The following PLCB1 variants were observed in gnomAD, a reference collection of about 807,000 sequenced individuals.
PLCB1 encodes the protein 1-phosphatidylinositol 4,5-bisphosphate phosphodiesterase beta-1.
In PLCB1, 46 loss-of-function variants were observed where a neutral mutation model predicts 161.8. That is an observed-to-expected ratio of 0.28 (90% confidence interval 0.22 to 0.36). PLCB1 has a LOEUF of 0.36. Ranked by LOEUF, PLCB1 falls within the 10% of genes least tolerant of loss-of-function variation. The pLI is 1.00. For missense variants in PLCB1, 1,016 were observed against 1,472.5 expected (o/e 0.69, Z 5.07); for synonymous variants, 517 against 503.7 (o/e 1.03, Z -0.35).
intron 3 of PLCB1, among the ~76,000 whole-genome samples, chr20:8,563,463 G>A (rs1198945876): frequency 2.0e-5 from 3 of 152,030 alleles, no homozygotes; most frequent in Non-Finnish European, 2.9e-5. Flanking sequence ...AAGCCAGGAG[G>A]TGAAGGCTGG....
chr20:8,734,206 C>G, intron 19 of PLCB1, among the ~76,000 whole-genome samples: 1 of 132,894 alleles, frequency 7.5e-6, no homozygotes, highest in East Asian at 2.6e-4. Context: ...GAACTTTATT[C>G]TTAATGATAA....
At chr20:8,601,073 C>G (rs931570415) in intron 3 of PLCB1, among the ~76,000 whole-genome samples, 2 of 152,058 alleles carry the variant, frequency 1.3e-5, no homozygotes, top group Admixed American at 6.5e-5. Context: ...GCGTCGCTCA[C>G]GCTGGGAGCT....
chr20:8,647,775 T>G (rs1422878924), intron 5 of PLCB1, 125 bp from the exon 6 acceptor site: 1 of 709,026 alleles, frequency 1.4e-6, no homozygotes, highest in Non-Finnish European at 2.5e-6. Context: ...TGTGGAGACT[T>G]GGGCAGTTTG....
At position 8,664,446 on chromosome 20, in the gene PLCB1, GA is replaced by G. The variant is rs199716011; in HGVS notation, c.862+5751del. ...AAGCCAATAATGATTGTATCAGTAG[GA>G]AAAAAAAACCCTATTGCATTTTCAA... On this transcript the variant is annotated intron_variant, in intron 9 of 31. Transcript: ENST00000338037. 1.3e-3 allele frequency among the ~76,000 whole-genome samples: 195 copies of G among 149,660 alleles called. 2 individuals carry two copies. Among genetic ancestry groups the G allele is most frequent in the African/African-American group, 4.3e-3 (175 of 40,802 alleles).
intron 9 of PLCB1, among the ~76,000 whole-genome samples, chr20:8,661,269 C>A (rs1223119374): frequency 1.3e-5 from 2 of 152,072 alleles, no homozygotes; most frequent in African/African-American, 4.8e-5. Context: ...ATCAGTGACC[C>A]AAAGCATTTG....
chr20:8,263,761 G>T (rs1357662508), intron 2 of PLCB1, among the ~76,000 whole-genome samples: 2 of 152,086 alleles, frequency 1.3e-5, no homozygotes, highest in South Asian at 4.1e-4. Flanking sequence ...TTGAAAATAC[G>T]ATATAAAAGA....
intron 3 of PLCB1, among the ~76,000 whole-genome samples, chr20:8,547,627 C>A (rs1157562662): frequency 6.6e-6 from 1 of 152,118 alleles, no homozygotes; most frequent in African/African-American, 2.4e-5. Context: ...CCATTTTTCT[C>A]TTTCTCAACT....
chr20:8,193,390 G>T (rs2123112263), intron 2 of PLCB1, among the ~76,000 whole-genome samples: 1 of 151,958 alleles, frequency 6.6e-6, no homozygotes, highest in African/African-American at 2.4e-5. Flanking sequence ...ATACTATGCA[G>T]CTGTAAAAGA....
At chr20:8,620,269 C>T (rs8123559) in intron 3 of PLCB1, among the ~76,000 whole-genome samples, 159 of 152,036 alleles carry the variant, frequency 1.0e-3, no homozygotes, top group African/African-American at 3.5e-3. Context: ...TTGTTATGTG[C>T]GGCTCTCAGC....
chr20:8,549,019 A>G (rs1473268936), intron 3 of PLCB1, among the ~76,000 whole-genome samples: 2 of 152,168 alleles, frequency 1.3e-5, no homozygotes, highest in African/African-American at 4.8e-5. Context: ...AGGCAAATGA[A>G]AAGCACATAA....
At chr20:8,272,662 C>CT (rs1313033446) in intron 2 of PLCB1, among the ~76,000 whole-genome samples, 1 of 152,130 alleles carries the variant, frequency 6.6e-6, no homozygotes, top group Non-Finnish European at 1.5e-5. Context: ...TTCTCCTATT[C>CT]TTTCCAGTGT....
intron 3 of PLCB1, among the ~76,000 whole-genome samples, chr20:8,523,496 C>CTCTCTCTCTCTATATATATATATATA: frequency 1.7e-4 from 9 of 51,652 alleles, no homozygotes; most frequent in South Asian, 1.3e-3. Context: ...CTCTCTCTCT[C>CTCTCTCTCTCTATATATATATATATA]TATATATATA....
intron 7 of PLCB1, among the ~76,000 whole-genome samples, chr20:8,654,911 G>C (rs1448339786): frequency 6.6e-6 from 1 of 151,972 alleles, no homozygotes; most frequent in African/African-American, 2.4e-5. Flanking sequence ...AGCATTTAAT[G>C]ATGCTTACTT....
chr20:8,878,534 C>T (rs1203848502), intron 31 of PLCB1, among the ~76,000 whole-genome samples: 2 of 152,144 alleles, frequency 1.3e-5, no homozygotes, highest in Admixed American at 6.5e-5. Context: ...GGTGCTCCAT[C>T]ATAGCCACAT....
intron 3 of PLCB1, among the ~76,000 whole-genome samples, chr20:8,429,241 A>G (rs1979927243): frequency 6.6e-6 from 1 of 152,232 alleles, no homozygotes; most frequent in Non-Finnish European, 1.5e-5. Context: ...TTTAATTTGC[A>G]GAGTAGGAAC....
At chr20:8,262,941 A>T (rs527414745) in intron 2 of PLCB1, among the ~76,000 whole-genome samples, 3 of 152,274 alleles carry the variant, frequency 2.0e-5, no homozygotes, top group Admixed American at 6.5e-5. Context: ...CCCTCTGATG[A>T]CCTAATCTAA....
chr20:8,266,718 C>T (rs1353784987), intron 2 of PLCB1, among the ~76,000 whole-genome samples: 2 of 152,186 alleles, frequency 1.3e-5, no homozygotes, highest in Admixed American at 1.3e-4. Flanking sequence ...AGATGCCCTA[C>T]CTATCATCTC....
rs780527555 is a variant in PLCB1, at chr20:8,791,867, A to G, written c.3423+1606A>G. 6.6e-5 allele frequency among the ~76,000 whole-genome samples: 10 copies of G among 152,196 alleles called. 1 individual carries two copies. The East Asian group carries it at 1.7e-3, about 26-fold the overall frequency. On this transcript the variant is annotated intron_variant, in intron 31 of 31. Transcript: ENST00000338037. ...TTCCCTGGATATAACTGGACATGAA[A>G]AGAACTAATAACTTTTGGCTGATTT...
chr20:8,427,206 C>A (rs1979822349), intron 3 of PLCB1, among the ~76,000 whole-genome samples: 1 of 152,052 alleles, frequency 6.6e-6, no homozygotes, highest in South Asian at 2.1e-4. Flanking sequence ...CCACTGTGCC[C>A]AGCCAGAAAA....
Sources: gnomAD v4.1 joint callset for allele counts (sites outside exome capture counted in the v4.1 genomes callset) on GRCh38, gnomAD v4.1.1 for gene constraint, MANE v1.5 for transcripts, NCBI Gene and HGNC (gene_info 2026-07-23, HGNC 2026-07-21) for gene names.